RBFOX1: variants seen among roughly 807,000 people sequenced by gnomAD.
The protein encoded by RBFOX1 is RNA binding protein fox-1 homolog 1.
In RBFOX1, 8 loss-of-function variants were observed where a neutral mutation model predicts 57.7. The ratio of observed to expected loss-of-function variants is 0.14; its 90% confidence interval spans 0.08 to 0.25. RBFOX1 has a LOEUF of 0.25. Among genes scored for constraint, RBFOX1 ranks in the 10% least tolerant of loss-of-function variants. RBFOX1 has a pLI of 1.00. For missense variants in RBFOX1, 611 were observed against 548.5 expected, an observed-to-expected ratio of 1.11 and a Z score of -1.14; for synonymous variants, 326 against 222.4, an observed-to-expected ratio of 1.47 and a Z score of -4.15.
intron 3 of RBFOX1, among the ~76,000 whole-genome samples, chr16:6,791,804 C>T (rs762526111): frequency 6.6e-6 from 1 of 152,072 alleles, no homozygotes; most frequent in Non-Finnish European, 1.5e-5. Flanking sequence ...GAGTGGCATC[C>T]CTGTGTGTAC....
intron 4 of RBFOX1, among the ~76,000 whole-genome samples, chr16:7,293,348 G>T (rs945393120): frequency 6.6e-6 from 1 of 152,182 alleles, no homozygotes; most frequent in African/African-American, 2.4e-5. Context: ...CACATCTGTA[G>T]ATTTTGGTGT....
rs530339245 is a variant in RBFOX1 at position 7,443,803 on chromosome 16, C to G, written c.28-74344C>G. ...TGCTCCTATTTTATACATTACAAAA[C>G]CGAAGTACAGACAGATGAACTATTT... On this transcript the variant is annotated intron_variant, in intron 4 of 15. Coordinates refer to ENST00000550418, the MANE Select transcript of RBFOX1 (RefSeq NM_018723.4). Among the ~76,000 whole-genome samples the G allele has an allele frequency of 2.6e-5, 4 of 152,234 alleles. No individual in the cohort carries two copies. In the South Asian group the frequency reaches 8.3e-4, roughly 32 times the overall value.
intron 1 of RBFOX1, among the ~76,000 whole-genome samples, chr16:6,024,971 G>C (rs187761222): frequency 6.6e-6 from 1 of 152,200 alleles, no homozygotes; most frequent in African/African-American, 2.4e-5. Context: ...CAAGCACAAC[G>C]ATCCAGAGGC....
At chr16:7,103,187 T>A (rs1331559471) in intron 4 of RBFOX1, among the ~76,000 whole-genome samples, 1 of 152,168 alleles carries the variant, frequency 6.6e-6, no homozygotes, top group African/African-American at 2.4e-5. Context: ...CTTTCCAAGT[T>A]GTGATTTTTA....
chr16:5,990,161 CT>C (rs1243645976), intron 4 of RBFOX1, among the ~76,000 whole-genome samples: 4 of 151,986 alleles, frequency 2.6e-5, no homozygotes, highest in Non-Finnish European at 5.9e-5. Context: ...AATTTTTTAC[CT>C]TTTTTTGTGG....
chr16:7,648,982 G>C (rs1287981225), intron 11 of RBFOX1, among the ~76,000 whole-genome samples: 2 of 152,166 alleles, frequency 1.3e-5, no homozygotes, highest in Admixed American at 6.5e-5. Context: ...TCTAGGGATT[G>C]TGACTAAGTT....
rs1435166954 is a variant in RBFOX1 at position 7,301,776 on chromosome 16, C to T, written c.28-216371C>T. On this transcript the variant is annotated intron_variant, in intron 4 of 15. Coordinates refer to ENST00000550418, the MANE Select transcript of RBFOX1 (RefSeq NM_018723.4). Reference sequence around the variant, plus strand: ...AAAATAAAGGAAAGCAGTGCGAACCCGTCCGTACAGCAGATTGCTTGACGC... The same window carrying T: ...AAAATAAAGGAAAGCAGTGCGAACCTGTCCGTACAGCAGATTGCTTGACGC... Among the ~76,000 whole-genome samples, 4 of 152,162 alleles carry T rather than the reference C, an allele frequency of 2.6e-5. 1 individual carries two copies. The South Asian group carries it at 6.2e-4, about 24-fold the overall frequency.
chr16:6,990,879 A>ATAAGG (rs1313413097), intron 3 of RBFOX1, among the ~76,000 whole-genome samples: 1 of 152,112 alleles, frequency 6.6e-6, no homozygotes, highest in African/African-American at 2.4e-5. Context: ...TTAAGATAAG[A>ATAAGG]TAAGGCTGTC....
chr16:7,155,734 TATATACACACACAC>T (rs1423572215), intron 4 of RBFOX1, among the ~76,000 whole-genome samples: 1 of 82,466 alleles, frequency 1.2e-5, no homozygotes, highest in South Asian at 3.8e-4. Context: ...TATATATATA[TATATACACACACAC>T]ACACACACAC....
At chr16:5,792,671 C>T (rs111720767) in intron 3 of RBFOX1, among the ~76,000 whole-genome samples, 2 of 152,012 alleles carry the variant, frequency 1.3e-5, no homozygotes, top group South Asian at 4.1e-4. Context: ...GCTGAAACCC[C>T]GTCTCTACTA....
Position 7,387,629 on chromosome 16 carries a change from C to T in RBFOX1, c.28-130518C>T, listed in dbSNP as rs571278104. On this transcript the variant is annotated intron_variant, in intron 4 of 15. Coordinates refer to ENST00000550418, the MANE Select transcript of RBFOX1 (RefSeq NM_018723.4). ...GTATGGTCAAGCATTGCAAAAGCCG[C>T]TGTGTGTTTGGAAGAAAGGTGAAAC... is the stretch of plus-strand genomic sequence containing the variant. Among the ~76,000 whole-genome samples the T allele has an allele frequency of 4.5e-4, 69 of 152,206 alleles. No individual in the cohort carries two copies. In the South Asian group the frequency reaches 0.014, roughly 32 times the overall value.
At chr16:5,574,627 C>T (rs527876287) in intron 2 of RBFOX1, among the ~76,000 whole-genome samples, 4 of 152,014 alleles carry the variant, frequency 2.6e-5, no homozygotes, top group East Asian at 3.9e-4. Flanking sequence ...GATGGGGTTT[C>T]GCCAAGTTGG....
chr16:6,777,622 G>C (rs780177955), intron 3 of RBFOX1, among the ~76,000 whole-genome samples: 1 of 152,072 alleles, frequency 6.6e-6, no homozygotes, highest in East Asian at 1.9e-4. Context: ...AATTTCACAC[G>C]TTATTCAGTG....
chr16:6,999,221 T>TA lies in RBFOX1; in HGVS notation c.-15-52836_-15-52835insA, dbSNP rs1174469930. On this transcript the variant is annotated intron_variant, in intron 3 of 15. Coordinates refer to ENST00000550418, the MANE Select transcript of RBFOX1 (RefSeq NM_018723.4). The stretch of plus-strand genomic sequence containing the variant: ...TTTATTTTTTATTTTTATTTATTTT[T>TA]TTTATTTATTTTTTTTTTTAGAGAT... Among the ~76,000 whole-genome samples the TA allele has an allele frequency of 1.4e-3, 146 of 101,228 alleles. 6 individuals are homozygous for TA. Among genetic ancestry groups the TA allele is most frequent in the African/African-American group, 4.6e-3 (140 of 30,596 alleles). 66.4% of individuals were successfully genotyped at this position (101,228 alleles called of 152,430 possible). A position where few individuals can be genotyped will look rare whatever the true frequency, so the allele number is the denominator to read the frequency against.
At chr16:6,171,057 G>A (rs532785295) in intron 1 of RBFOX1, among the ~76,000 whole-genome samples, 4 of 152,278 alleles carry the variant, frequency 2.6e-5, no homozygotes, top group Non-Finnish European at 5.9e-5. Context: ...ACATTTGCAT[G>A]CATGTGTCTT....
chr16:5,389,148 G>T (rs1346075539), intron 1 of RBFOX1, among the ~76,000 whole-genome samples: 1 of 151,792 alleles, frequency 6.6e-6, no homozygotes, highest in Non-Finnish European at 1.5e-5. Context: ...CCGAGATCGC[G>T]CCACTGCACT....
intron 3 of RBFOX1, among the ~76,000 whole-genome samples, chr16:6,716,763 G>A (rs2064908690): frequency 6.6e-6 from 1 of 152,070 alleles, no homozygotes; most frequent in Admixed American, 6.6e-5. Flanking sequence ...GTTGGGAAGG[G>A]ATTTTTTTTT....
chr16:6,007,417 T>C (rs2094934140), intron 4 of RBFOX1, among the ~76,000 whole-genome samples: 1 of 152,178 alleles, frequency 6.6e-6, no homozygotes, highest in Admixed American at 6.6e-5. Context: ...AGTAGTCACA[T>C]GACTGAGCAG....
At chr16:7,045,499 A>G (rs1427132461) in intron 3 of RBFOX1, among the ~76,000 whole-genome samples, 1 of 152,184 alleles carries the variant, frequency 6.6e-6, no homozygotes, top group Non-Finnish European at 1.5e-5. Flanking sequence ...TGTCTGCAAT[A>G]GGAATATGAT....
Sources: allele counts gnomAD v4.1 joint callset (sites outside exome capture counted in the v4.1 genomes callset), GRCh38; gene constraint gnomAD v4.1.1; transcripts MANE v1.5; gene names NCBI Gene and HGNC (gene_info 2026-07-23, HGNC 2026-07-21).